Variants in ZNF595 observed in about 807,000 individuals in gnomAD.
ZNF595 encodes the protein zinc finger protein 595.
A neutral mutation model predicts 19.4 loss-of-function variants in ZNF595; 9 were observed. The ratio of observed to expected loss-of-function variants is 0.46; its 90% CI spans 0.28 to 0.81. The LOEUF (loss-of-function observed/expected upper bound fraction) is 0.81, where lower values mean the gene tolerates loss of function less well. Ranked by LOEUF, ZNF595 falls within the 30% of genes least tolerant of loss-of-function variation. ZNF595 has a pLI of 0.11. For missense variants in ZNF595, 729 were observed against 736.0 expected (o/e 0.99, Z 0.11); for synonymous variants, 255 against 255.9 (o/e 1.00, Z 0.03).
intron 3 of ZNF595, among the ~76,000 whole-genome samples, chr4:75,418 A>G (rs1033030547): frequency 6.6e-6 from 1 of 152,000 alleles, no homozygotes; most frequent in East Asian, 1.9e-4. Context: ...TAATAGACCC[A>G]CTCTCATCAT....
intron 3 of ZNF595, 65 bp from the exon 4 acceptor site, chr4:85,666 C>G: frequency 6.8e-7 from 1 of 1,473,512 alleles, no homozygotes; most frequent in African/African-American, 1.4e-5. Context: ...TTCGATATTA[C>G]ATTCGTAAAG....
chr4:66,485 G>A (rs1581332125), intron 3 of ZNF595, among the ~76,000 whole-genome samples: 1 of 151,862 alleles, frequency 6.6e-6, no homozygotes, highest in African/African-American at 2.4e-5. Context: ...TGAATTTTTT[G>A]CTCATGTGTT....
intron 3 of ZNF595, among the ~76,000 whole-genome samples, chr4:78,169 C>T (rs782185206): frequency 1.2e-4 from 18 of 152,224 alleles, no homozygotes; most frequent in South Asian, 4.1e-4. Context: ...CGGCCACGTC[C>T]GGCTAATTTT....
intron 3 of ZNF595, among the ~76,000 whole-genome samples, chr4:71,394 T>A (rs1713426170): frequency 6.6e-6 from 1 of 152,232 alleles, no homozygotes; most frequent in Non-Finnish European, 1.5e-5. Context: ...ATGCATCTTT[T>A]GTGCCTCTTC....
intron 3 of ZNF595, among the ~76,000 whole-genome samples, chr4:66,314 A>G (rs1221740176): frequency 2.7e-5 from 4 of 149,844 alleles, no homozygotes; most frequent in African/African-American, 7.4e-5. Context: ...TCTCTTGTCT[A>G]TTAGTCATGT....
intron 3 of ZNF595, among the ~76,000 whole-genome samples, chr4:84,007 T>TA (rs1714032877): frequency 6.6e-6 from 1 of 152,166 alleles, no homozygotes; most frequent in African/African-American, 2.4e-5. Flanking sequence ...TCCATACAGA[T>TA]ACTTACTTTT....
Position 86,862 on chromosome 4 carries a change from A to T in ZNF595, c.1358A>T (p.Lys453Ile). 1.2e-6 allele frequency: 2 copies of T among 1,613,564 alleles called. No homozygotes were observed. The highest frequency in any genetic ancestry group is 1.7e-6 in the Non-Finnish European group (2 of 1,179,782). ...KRIHSGQKPY[K>I]CEECGKAFTR... The stretch of plus-strand genomic sequence containing the variant: ...ATCCATTCTGGGCAAAAACCTTACA[A>T]ATGTGAAGAATGTGGCAAAGCCTTT... The change falls in exon 4 of 4, where the codon AAA (lysine) becomes ATA (isoleucine). Residue 453 changes from lysine (K) to isoleucine (I), a missense_variant. Around this residue, in one of 2 missense-constraint regions of ZNF595, gnomAD observed 729 missense variants for 675.3 expected, o/e 1.08. Coordinates refer to ENST00000610261, the MANE Select transcript of ZNF595 (RefSeq NM_182524.4).
At chr4:72,873 C>T (rs1713487735) in intron 3 of ZNF595, among the ~76,000 whole-genome samples, 1 of 152,146 alleles carries the variant, frequency 6.6e-6, no homozygotes, top group Non-Finnish European at 1.5e-5. Flanking sequence ...TTGACACTGT[C>T]AAAGGATGTA....
chr4:72,737 A>C (rs1182815407), intron 3 of ZNF595, among the ~76,000 whole-genome samples: 1 of 152,198 alleles, frequency 6.6e-6, no homozygotes, highest in South Asian at 2.1e-4. Context: ...TCCTGTGAAC[A>C]TAAGTGCTGA....
Position 88,165 on chromosome 4 carries a change from A to G in ZNF595, c.*714A>G, listed in dbSNP as rs1182633293. ...GTTCCATATTTATCTTTGAACATGTAGCATCTCTTTCCGCAAATAAATGCA... is the reference window on the plus strand; with the variant it reads ...GTTCCATATTTATCTTTGAACATGTGGCATCTCTTTCCGCAAATAAATGCA... On this transcript the variant is annotated 3_prime_UTR_variant, in exon 4 of 4. Transcript: ENST00000610261. 6.6e-6 allele frequency: 1 copy of G among 152,194 alleles called. No individual in the cohort carries two copies. The highest frequency in any genetic ancestry group is 1.5e-5 in the Non-Finnish European group (1 of 68,044). 9.4% of individuals were successfully genotyped at this position (152,194 alleles called of 1,614,324 possible). A position where few individuals can be genotyped will look rare whatever the true frequency, so the allele number is the denominator to read the frequency against.
chr4:75,567 A>G (rs1553798581), intron 3 of ZNF595, among the ~76,000 whole-genome samples: 1 of 152,236 alleles, frequency 6.6e-6, no homozygotes, highest in East Asian at 1.9e-4. Flanking sequence ...GGACTCTCAA[A>G]CCATAGCAAT....
At position 85,980 on chromosome 4, in the gene ZNF595, A is replaced by G; in HGVS notation, c.476A>G (p.Asn159Ser). 1 of 1,607,674 alleles carries G rather than the reference A, an allele frequency of 6.2e-7. No individual in the cohort carries two copies. ...GTTAAAGTTTTTAGTAAATTTTCAA[A>G]TTCAAACAAACATAAGATAAGACAT... ...TCVKVFSKFS[N>S]SNKHKIRHTG... Residue 159 changes from asparagine (N) to serine (S), a missense_variant, in exon 4 of 4, where the codon AAT becomes AGT. This residue lies in a region of ZNF595 where 729 missense variants were observed against 675.3 expected (regional missense o/e 1.08). Transcript: ENST00000610261.
chr4:68,572 GT>G (rs1382116622), intron 3 of ZNF595: 4 of 152,272 alleles, frequency 2.6e-5, no homozygotes, highest in Non-Finnish European at 5.9e-5. Flanking sequence ...AGGACCAGTG[GT>G]GTTTGTTTTT....
intron 3 of ZNF595, among the ~76,000 whole-genome samples, chr4:75,015 CT>C (rs1560089217): frequency 1.3e-5 from 2 of 151,636 alleles, no homozygotes; most frequent in East Asian, 3.9e-4. Flanking sequence ...TAGTGAAGAT[CT>C]TTTTTTCATG....
chr4:85,865 A>T lies in ZNF595; in HGVS notation c.361A>T (p.Asn121Tyr). 1.2e-6 allele frequency: 2 copies of T among 1,614,104 alleles called. No homozygotes were observed. Among genetic ancestry groups the T allele is most frequent in the Non-Finnish European group, 1.7e-6 (2 of 1,179,990 alleles). ...ATTAAGAAAAGGCTGTAAACGTGTG[A>T]ATGAGTGTAAGGTGCAGAAAGGAGT... Reference protein sequence around the residue: ...LQLRKGCKRVNECKVQKGVNN... With the variant: ...LQLRKGCKRVYECKVQKGVNN... The change falls in exon 4 of 4, where the codon AAT (asparagine) becomes TAT (tyrosine). Residue 121 changes from asparagine to tyrosine, a missense_variant. Around this residue, in one of 2 missense-constraint regions of ZNF595, gnomAD observed 729 missense variants for 675.3 expected, o/e 1.08. Transcript: ENST00000610261.
chr4:66,343 T>C (rs1388687456), intron 3 of ZNF595, among the ~76,000 whole-genome samples: 24 of 151,636 alleles, frequency 1.6e-4, no homozygotes, highest in African/African-American at 5.3e-4. Flanking sequence ...GTTTTTTTTT[T>C]TGGAGTTGTT....
At chr4:75,760 ATTCTTT>A (rs1713631075) in intron 3 of ZNF595, among the ~76,000 whole-genome samples, 1 of 143,732 alleles carries the variant, frequency 7.0e-6, no homozygotes, top group Non-Finnish European at 1.5e-5. Flanking sequence ...AGATGCTTTC[ATTCTTT>A]TTCTTTTGTA....
chr4:82,370 TG>T (rs34982885), intron 3 of ZNF595, among the ~76,000 whole-genome samples: 5,779 of 114,804 alleles, frequency 0.05, 743 homozygotes, highest in South Asian at 0.095. Flanking sequence ...TTTTGGTTTG[TG>T]GTTTTTTTTT....
chr4:75,220 T>C (rs928994119), intron 3 of ZNF595, among the ~76,000 whole-genome samples: 1 of 152,330 alleles, frequency 6.6e-6, no homozygotes, highest in Admixed American at 6.5e-5. Context: ...AATGCTTTAT[T>C]TTTTGCTTCA....
Sources: allele counts gnomAD v4.1 joint callset (sites outside exome capture counted in the v4.1 genomes callset), GRCh38; gene constraint gnomAD v4.1.1; regional missense constraint gnomAD v4.1.1; transcripts MANE v1.5; gene names NCBI Gene and HGNC (gene_info 2026-07-23, HGNC 2026-07-21).